Variants in IQCE observed in about 807,000 individuals in gnomAD.
IQCE encodes the protein IQ domain-containing protein E.
In IQCE, 115 loss-of-function variants were observed where a neutral mutation model predicts 96.0. The observed-to-expected ratio is 1.20, with a 90% CI of 1.03 to 1.40. IQCE has a LOEUF of 1.40. Among genes scored for constraint, IQCE ranks in the 40% most tolerant of loss-of-function variants. The pLI, the probability that IQCE is intolerant of heterozygous loss-of-function variation, is 0.00. For missense variants in IQCE, 1,041 were observed against 909.1 expected, an observed-to-expected ratio of 1.15 and a Z score of -1.87; for synonymous variants, 412 against 371.2, an observed-to-expected ratio of 1.11 and a Z score of -1.26.
chr7:2,581,834 C>T (rs1031574054), intron 8 of IQCE, among the ~76,000 whole-genome samples: 12 of 152,018 alleles, frequency 7.9e-5, no homozygotes, highest in African/African-American at 2.6e-4. Flanking sequence ...CTCAGCCTCC[C>T]GAGTAGCTGG....
chr7:2,598,327 C>A, intron 16 of IQCE, 138 bp from the exon 17 acceptor site: 1 of 801,688 alleles, frequency 1.2e-6, no homozygotes, highest in South Asian at 1.9e-5. Context: ...CAGTGTGGAA[C>A]AGCTCTCTCC....
At chr7:2,588,919 G>A (rs1295384715) in intron 13 of IQCE, among the ~76,000 whole-genome samples, 3 of 151,490 alleles carry the variant, frequency 2.0e-5, no homozygotes, top group South Asian at 2.1e-4. Context: ...GCCTGTCTTG[G>A]CCTTTAAAGT....
At chr7:2,605,078 C>T in intron 19 of IQCE, 87 bp downstream of exon 19, 1 of 947,414 alleles carries the variant, frequency 1.1e-6, no homozygotes, top group Non-Finnish European at 1.6e-6. Context: ...TAGGGCACCC[C>T]TCAGCCTCCA....
chr7:2,607,991 A>G (rs1391717680), intron 21 of IQCE, among the ~76,000 whole-genome samples: 1 of 152,146 alleles, frequency 6.6e-6, no homozygotes, highest in Non-Finnish European at 1.5e-5. Context: ...TGCTGTGCTG[A>G]GTCCTTAGGT....
At chr7:2,594,139 A>G (rs1311476322) in intron 15 of IQCE, among the ~76,000 whole-genome samples, 1 of 152,188 alleles carries the variant, frequency 6.6e-6, no homozygotes, top group East Asian at 1.9e-4. Flanking sequence ...AGGTGCCTGT[A>G]ATCCCAGCTA....
At chr7:2,604,796 G>A in intron 18 of IQCE, 85 bp from the exon 19 acceptor site, 2 of 890,044 alleles carry the variant, frequency 2.2e-6, no homozygotes, top group Non-Finnish European at 3.7e-6. Context: ...TGCCGTGGCA[G>A]CTCTCTCCTC....
At chr7:2,568,118 C>T (rs1374246157) in intron 2 of IQCE, among the ~76,000 whole-genome samples, 1 of 152,286 alleles carries the variant, frequency 6.6e-6, no homozygotes, top group Non-Finnish European at 1.5e-5. Context: ...TTGTGTGTCT[C>T]TAATGCAAAA....
At chr7:2,605,840 C>G (rs372865379) in intron 19 of IQCE, 36 bp from the exon 20 acceptor site, 8 of 1,511,848 alleles carry the variant, frequency 5.3e-6, no homozygotes, top group Non-Finnish European at 5.3e-6. Flanking sequence ...AGGGGGCTGC[C>G]AAACAGTCGT....
intron 1 of IQCE, among the ~76,000 whole-genome samples, chr7:2,561,442 AT>A (rs1302427667): frequency 2.1e-5 from 3 of 141,752 alleles, no homozygotes; most frequent in Non-Finnish European, 4.5e-5. Flanking sequence ...TTTTTTTGAG[AT>A]GGAGTCTTGC....
At chr7:2,601,569 A>G (rs533352183) in intron 18 of IQCE, 105 bp downstream of exon 18, 1 of 896,862 alleles carries the variant, frequency 1.1e-6, no homozygotes, top group African/African-American at 1.7e-5. Flanking sequence ...TTTTTTTTCG[A>G]GATGGAATCT....
rs1389747971 is a variant in IQCE, at chr7:2,611,241, G to A, written c.*1079G>A. 4 of 152,460 alleles carry A rather than the reference G, an allele frequency of 2.6e-5. No individual in the cohort carries two copies. Among genetic ancestry groups the A allele is most frequent in the African/African-American group, 7.2e-5 (3 of 41,456 alleles). The allele number at this position is 152,460 out of a possible 1,614,324, so 9.4% of individuals were successfully genotyped here. On this transcript the variant is annotated 3_prime_UTR_variant, in exon 22 of 22. Coordinates refer to ENST00000402050, the MANE Select transcript of IQCE (RefSeq NM_152558.5). ...TCCAGTGCCCATCTCTTGCTTGTGT[G>A]TGAGATTAGCCCTTGCTGGGGCGTC...
chr7:2,582,685 C>T (rs753396877), intron 9 of IQCE, 35 bp downstream of exon 9: 22 of 1,589,000 alleles, frequency 1.4e-5, no homozygotes, highest in South Asian at 7.8e-5. Context: ...CCCTGCCTTC[C>T]GCCCCGTGTT....
rs1393691557 is a variant in IQCE at position 2,606,622 on chromosome 7, C to G, written c.1866-502C>G. ...CTGGTTCTCAGCCTCTGTGGTGGAGCCGCGCGGCCACCCAGCACTTCCGAG... is the reference window on the plus strand; with the variant it reads ...CTGGTTCTCAGCCTCTGTGGTGGAGGCGCGCGGCCACCCAGCACTTCCGAG... On this transcript the variant is annotated intron_variant, in intron 20 of 21. Coordinates refer to ENST00000402050, the MANE Select transcript of IQCE (RefSeq NM_152558.5). Among the ~76,000 whole-genome samples, 4 of 151,782 alleles carry G rather than the reference C, an allele frequency of 2.6e-5. No individual in the cohort carries two copies. In the East Asian group the frequency reaches 5.8e-4, roughly 22 times the overall value.
intron 15 of IQCE, among the ~76,000 whole-genome samples, 192 bp from the exon 16 acceptor site, chr7:2,594,694 T>G (rs1783882710): frequency 6.6e-6 from 1 of 152,234 alleles, no homozygotes; most frequent in Non-Finnish European, 1.5e-5. Context: ...AGTCCCGGCC[T>G]GCGATGGTTT....
At chr7:2,580,365 T>A (rs548663729) in intron 8 of IQCE, 3 of 151,500 alleles carry the variant, frequency 2.0e-5, no homozygotes, top group African/African-American at 7.3e-5. Flanking sequence ...ATCCCAGCAC[T>A]TTGGGAGGCT....
chr7:2,583,342 T>C (rs1782825846), intron 9 of IQCE, among the ~76,000 whole-genome samples: 1 of 152,234 alleles, frequency 6.6e-6, no homozygotes, highest in Non-Finnish European at 1.5e-5. Flanking sequence ...TCTAGTCTTT[T>C]AAAGACAGCA....
intron 9 of IQCE, among the ~76,000 whole-genome samples, chr7:2,583,358 C>G (rs1782826962): frequency 6.6e-6 from 1 of 152,194 alleles, no homozygotes; most frequent in African/African-American, 2.4e-5. Flanking sequence ...CAGCATCTTA[C>G]TTGGAGAAGA....
In IQCE at chr7:2,575,688, T is replaced by G. The variant is rs149681782; in HGVS notation, c.465+2200T>G. 1.3e-3 allele frequency among the ~76,000 whole-genome samples: 198 copies of G among 152,338 alleles called. 2 individuals are homozygous for G. Among genetic ancestry groups the G allele is most frequent in the African/African-American group, 4.7e-3 (194 of 41,586 alleles). ...CCTGTCGGTTTCTGCCTTGTCGGTC[T>G]GCTCCTCTCCCTGACCTCTGGCTGG... is the stretch of plus-strand genomic sequence containing the variant. On this transcript the variant is annotated intron_variant, in intron 6 of 21. Coordinates refer to ENST00000402050, the MANE Select transcript of IQCE (RefSeq NM_152558.5).
chr7:2,593,979 T>C (rs536884535), intron 15 of IQCE, among the ~76,000 whole-genome samples: 2 of 152,184 alleles, frequency 1.3e-5, no homozygotes, highest in Admixed American at 6.6e-5. Context: ...AAGAAAACTG[T>C]GGCCGGGCAC....
Sources: allele counts gnomAD v4.1 joint callset (sites outside exome capture counted in the v4.1 genomes callset), GRCh38; gene constraint gnomAD v4.1.1; transcripts MANE v1.5; gene names NCBI Gene and HGNC (gene_info 2026-07-23, HGNC 2026-07-21).